The following UGT2B17 variants were observed in gnomAD, a reference collection of about 807,000 sequenced individuals.
The protein encoded by UGT2B17 is UDP glucuronosyltransferase family 2 member B17.
In UGT2B17, 21 loss-of-function variants were observed where a neutral mutation model predicts 48.2. The ratio of observed to expected loss-of-function variants is 0.44; its 90% CI spans 0.31 to 0.63. The LOEUF is 0.63. UGT2B17 is among the 20% of genes least tolerant of loss of function. The pLI, the probability that UGT2B17 is intolerant of heterozygous loss-of-function variation, is 0.08. For synonymous variants in UGT2B17, 146 were observed against 238.4 expected, an observed-to-expected ratio of 0.61 and a Z score of 3.57; for missense variants, 402 against 696.1, an observed-to-expected ratio of 0.58 and a Z score of 4.75.
rs188281112 is a variant in UGT2B17, at chr4:68,541,826, G to C, written c.1314-3922C>G. Among the ~76,000 whole-genome samples the C allele has an allele frequency of 7.9e-5, 10 of 126,626 alleles. 4 individuals carry two copies. The East Asian group carries it at 7.5e-3, about 95-fold the overall frequency. The allele number at this position is 126,626 out of a possible 152,430, so 83.1% of individuals were successfully genotyped here. The stretch of plus-strand genomic sequence containing the variant: ...CATCTTGAGTTAATTTTTGTATAAG[G>C]TGTAAGGCAGGGGTATAGTTTCTGT... On this transcript the variant is annotated intron_variant, in intron 6 of 6. Transcript: ENST00000317746.
rs762893326 is a variant in UGT2B17, at chr4:68,565,639, C to T, written c.806G>A (p.Arg269His). The T allele has an allele frequency of 1.2e-4, 166 of 1,368,704 alleles. 43 individuals carry two copies. The highest frequency in any genetic ancestry group is 1.5e-4 in the Non-Finnish European group (153 of 1,049,934). 84.8% of individuals were successfully genotyped at this position (1,368,704 alleles called of 1,614,324 possible). ...AAAATCAACATTTGGTAAGAATGGG[C>T]GAGGAAATTCAAAATCCCAATAGGT... ...IRTYWDFEFP[R>H]PFLPNVDFVG... The change falls in exon 3 of 7, where the codon CGC (arginine) becomes CAC (histidine). Residue 269 changes from arginine to histidine, a missense_variant. By Grantham distance (29) the Arg-to-His change is conservative. Transcript: ENST00000317746.
intron 4 of UGT2B17, among the ~76,000 whole-genome samples, chr4:68,556,198 T>C (rs1730997014): frequency 8.0e-6 from 1 of 124,890 alleles, no homozygotes; most frequent in Non-Finnish European, 1.7e-5. Context: ...AAAGCACTTA[T>C]GCACTAAATA....
rs1420514133 is a variant in UGT2B17, at chr4:68,556,351, T to C, written c.1005+4186A>G. Among the ~76,000 whole-genome samples, 2 of 123,572 alleles carry C rather than the reference T, an allele frequency of 1.6e-5. 1 individual carries two copies. The highest frequency in any genetic ancestry group is 3.4e-5 in the Non-Finnish European group (2 of 58,522). 81.1% of individuals were successfully genotyped at this position (123,572 alleles called of 152,430 possible). A position where few individuals can be genotyped will look rare whatever the true frequency, so the allele number is the denominator to read the frequency against. On this transcript the variant is annotated intron_variant, in intron 4 of 6. Coordinates refer to ENST00000317746, the MANE Select transcript of UGT2B17 (RefSeq NM_001077.4). ...TCCCCTTTTAAAGGGTGTGAAATAG[T>C]AACACTCTCCTTCAACTCATTTTCA...
intron 6 of UGT2B17, among the ~76,000 whole-genome samples, chr4:68,540,143 T>C (rs1730628137): frequency 8.0e-6 from 1 of 125,520 alleles, no homozygotes; most frequent in Non-Finnish European, 1.7e-5. Flanking sequence ...ACCAGAGATA[T>C]ATGTATGGAT....
chr4:68,559,068 C>T lies in UGT2B17; in HGVS notation c.1005+1469G>A, dbSNP rs1199011537. On this transcript the variant is annotated intron_variant, in intron 4 of 6. Transcript: ENST00000317746. ...TAAAAAAGTAGCAAATTAGTAATAACCTATATATTTATTTTATATACTTTA... is the reference window on the plus strand; with the variant it reads ...TAAAAAAGTAGCAAATTAGTAATAATCTATATATTTATTTTATATACTTTA... Among the ~76,000 whole-genome samples, 14 of 125,032 alleles carry T rather than the reference C, an allele frequency of 1.1e-4. 1 individual carries two copies. Among genetic ancestry groups the T allele is most frequent in the Admixed American group, 5.8e-4 (7 of 12,120 alleles). 82.0% of individuals were successfully genotyped at this position (125,032 alleles called of 152,430 possible).
At chr4:68,570,554 C>T (rs1186464331) in intron 1 of UGT2B17, among the ~76,000 whole-genome samples, 2 of 126,268 alleles carry the variant, frequency 1.6e-5, no homozygotes, top group Non-Finnish European at 3.4e-5. Flanking sequence ...TCTCTTCCTT[C>T]ATTCCCCCCT....
chr4:68,562,239 C>T (rs1228929059), intron 3 of UGT2B17, among the ~76,000 whole-genome samples: 5 of 124,418 alleles, frequency 4.0e-5, no homozygotes, highest in African/African-American at 1.1e-4. Flanking sequence ...CCTCAGCCTC[C>T]TGAGTAGCTG....
rs1731146039 is a variant in UGT2B17 at position 68,563,843 on chromosome 4, A to C, written c.873+1729T>G. 1.6e-5 allele frequency among the ~76,000 whole-genome samples: 2 copies of C among 126,304 alleles called. 1 individual carries two copies. The highest frequency in any genetic ancestry group is 3.4e-5 in the Non-Finnish European group (2 of 59,684). The allele number at this position is 126,304 out of a possible 152,430, so 82.9% of individuals were successfully genotyped here. A position where few individuals can be genotyped will look rare whatever the true frequency, so the allele number is the denominator to read the frequency against. On this transcript the variant is annotated intron_variant, in intron 3 of 6. Coordinates refer to ENST00000317746, the MANE Select transcript of UGT2B17 (RefSeq NM_001077.4). The stretch of plus-strand genomic sequence containing the variant: ...CATTTATATTTAAACAAGCACACAG[A>C]GTATCTGTTCTCTAGGATTTTGCTA...
chr4:68,542,913 A>G (rs116141373), intron 6 of UGT2B17, among the ~76,000 whole-genome samples: 2,596 of 126,362 alleles, frequency 0.021, 606 homozygotes, highest in East Asian at 0.058. Flanking sequence ...TGCCATTCCC[A>G]TGGATTGAAT....
At chr4:68,568,735 A>G (rs181727889) in intron 1 of UGT2B17, among the ~76,000 whole-genome samples, 187 bp from the exon 2 acceptor site, 1,797 of 126,946 alleles carry the variant, frequency 0.014, 337 homozygotes, top group African/African-American at 0.047. Flanking sequence ...GAACAGTGGC[A>G]GGTGAGAGGC....
At chr4:68,568,951 T>C (rs1170900558) in intron 1 of UGT2B17, among the ~76,000 whole-genome samples, 2 of 139,856 alleles carry the variant, frequency 1.4e-5, no homozygotes, top group Admixed American at 7.2e-5. Flanking sequence ...TAATCAGTAT[T>C]ATCTCCAAAA....
In UGT2B17 at chr4:68,541,804, C is replaced by A. The variant is rs1304633442; in HGVS notation, c.1314-3900G>T. Among the ~76,000 whole-genome samples the A allele has an allele frequency of 2.4e-5, 3 of 126,694 alleles. 1 individual carries two copies. Among genetic ancestry groups the A allele is most frequent in the Non-Finnish European group, 5.0e-5 (3 of 59,824 alleles). 83.1% of individuals were successfully genotyped at this position (126,694 alleles called of 152,430 possible). A position where few individuals can be genotyped will look rare whatever the true frequency, so the allele number is the denominator to read the frequency against. ...TTTTACATTTAAGTCTTTAATCCAT[C>A]TTGAGTTAATTTTTGTATAAGGTGT... On this transcript the variant is annotated intron_variant, in intron 6 of 6. Coordinates refer to ENST00000317746, the MANE Select transcript of UGT2B17 (RefSeq NM_001077.4).
chr4:68,568,571 A>T, intron 1 of UGT2B17, 23 bp from the exon 2 acceptor site: 1 of 1,220,136 alleles, frequency 8.2e-7, no homozygotes, highest in African/African-American at 1.6e-5. Flanking sequence ...CAATCAAGTT[A>T]AAATATAACT....
intron 6 of UGT2B17, among the ~76,000 whole-genome samples, 168 bp downstream of exon 6, chr4:68,550,509 A>T (rs1253848806): frequency 2.4e-5 from 3 of 125,528 alleles, no homozygotes; most frequent in Admixed American, 8.2e-5. Flanking sequence ...GTGGGGTTGA[A>T]ATGTAACTTT....
Position 68,545,871 on chromosome 4 carries a change from C to A in UGT2B17, c.1313+4806G>T, listed in dbSNP as rs1352235929. On this transcript the variant is annotated intron_variant, in intron 6 of 6. Coordinates refer to ENST00000317746, the MANE Select transcript of UGT2B17 (RefSeq NM_001077.4). The stretch of plus-strand genomic sequence containing the variant: ...CACACACACCCTCCCAAGACTAAAC[C>A]AGGAAGAAGTTGAATCTCTGAATAG... Among the ~76,000 whole-genome samples the A allele has an allele frequency of 2.2e-4, 28 of 125,296 alleles. 7 individuals carry two copies. The highest frequency in any genetic ancestry group is 4.5e-4 in the Non-Finnish European group (27 of 59,348). 82.2% of individuals were successfully genotyped at this position (125,296 alleles called of 152,430 possible).
rs369061334 is a variant in UGT2B17, at chr4:68,568,173, A to AT, written c.311dup (p.Asn104LysfsTer19). The AT allele has an allele frequency of 3.7e-3, 5,157 of 1,380,214 alleles. 1,275 individuals are homozygous for AT. Among genetic ancestry groups the AT allele is most frequent in the Non-Finnish European group, 4.5e-3 (4,796 of 1,054,084 alleles). The allele number at this position is 1,380,214 out of a possible 1,614,324, so 85.5% of individuals were successfully genotyped here. On this transcript the variant is annotated frameshift_variant, in exon 2 of 7. Coordinates refer to ENST00000317746, the MANE Select transcript of UGT2B17 (RefSeq NM_001077.4). LOFTEE classifies it high-confidence loss of function. ...GTTGTGAAAAATATGACCAAAATGT[A>AT]TTTTTTGAAATACTATATGTCCATC... is the stretch of plus-strand genomic sequence containing the variant.
At chr4:68,552,532 C>A (rs1730935676) in intron 4 of UGT2B17, among the ~76,000 whole-genome samples, 1 of 126,042 alleles carries the variant, frequency 7.9e-6, no homozygotes, top group Non-Finnish European at 1.7e-5. Context: ...GTCACCAGGA[C>A]CCCCTGAGGC....
At position 68,537,471 on chromosome 4, in the gene UGT2B17, T is replaced by C; in HGVS notation, c.*154A>G. ...GAATAATTCCAACTAAAGTACATAT[T>C]AAATTCCTGGAAAATAAATTTTGAC... On this transcript the variant is annotated 3_prime_UTR_variant, in exon 7 of 7. Transcript: ENST00000317746. The C allele has an allele frequency of 4.6e-6, 3 of 650,474 alleles. 1 individual carries two copies. The highest frequency in any genetic ancestry group is 6.3e-6 in the Non-Finnish European group (3 of 474,188). The allele number at this position is 650,474 out of a possible 1,614,324, so 40.3% of individuals were successfully genotyped here.
At position 68,574,659 on chromosome 4, in the gene UGT2B17, C is replaced by T. The variant is rs1294482406; in HGVS notation, c.-65+1292G>A. ...GTAGGTAAAAATCCACATTCTTATGCCTCCTTATAATCTTCTCATTAAAGT... is the reference window on the plus strand; with the variant it reads ...GTAGGTAAAAATCCACATTCTTATGTCTCCTTATAATCTTCTCATTAAAGT... On this transcript the variant is annotated intron_variant, in intron 1 of 6. Coordinates refer to ENST00000317746, the MANE Select transcript of UGT2B17 (RefSeq NM_001077.4). 1.6e-5 allele frequency among the ~76,000 whole-genome samples: 2 copies of T among 126,622 alleles called. 1 individual carries two copies. 83.1% of individuals were successfully genotyped at this position (126,622 alleles called of 152,430 possible). A position where few individuals can be genotyped will look rare whatever the true frequency, so the allele number is the denominator to read the frequency against.
Sources: gnomAD v4.1 joint callset for allele counts (sites outside exome capture counted in the v4.1 genomes callset) on GRCh38, gnomAD v4.1.1 for gene constraint, MANE v1.5 for transcripts, NCBI Gene and HGNC (gene_info 2026-07-23, HGNC 2026-07-21) for gene names.